Variants in SORCS2 observed in about 807,000 individuals in gnomAD.
The protein encoded by SORCS2 is VPS10 domain-containing receptor SorCS2.
Under a neutral mutation model 141.6 loss-of-function variants are expected in SORCS2, and 100 were observed. The observed-to-expected ratio is 0.71, with a 90% CI of 0.60 to 0.83. The LOEUF (loss-of-function observed/expected upper bound fraction) is 0.83, where lower values mean the gene tolerates loss of function less well. SORCS2 is among the 40% of genes least tolerant of loss of function. SORCS2 has a pLI of 0.00. For missense variants in SORCS2, 1,646 were observed against 1,560.2 expected (o/e 1.05, Z -0.93); for synonymous variants, 789 against 676.9 (o/e 1.17, Z -2.57).
intron 1 of SORCS2, among the ~76,000 whole-genome samples, chr4:7,338,390 T>C (rs1347829625): frequency 6.7e-6 from 1 of 150,154 alleles, no homozygotes; most frequent in Admixed American, 6.6e-5. Context: ...GTCGGTTGGA[T>C]GGATGGATGG....
intron 2 of SORCS2, among the ~76,000 whole-genome samples, chr4:7,396,749 ATTGT>A (rs916375871): frequency 6.6e-6 from 1 of 152,112 alleles, no homozygotes; most frequent in Non-Finnish European, 1.5e-5. Flanking sequence ...GATTATCCTC[ATTGT>A]TTGGGCGTTT....
chr4:7,640,578 C>G (rs1290552182), intron 4 of SORCS2, among the ~76,000 whole-genome samples: 1 of 150,418 alleles, frequency 6.6e-6, no homozygotes, highest in South Asian at 2.1e-4. Flanking sequence ...TGTAAGGACT[C>G]GGGCCTTCGT....
At position 7,728,458 on chromosome 4, in the gene SORCS2, C is replaced by G; in HGVS notation, c.2978C>G (p.Ser993Cys). The change falls in exon 22 of 27, where the codon TCC (serine) becomes TGC (cysteine). Residue 993 changes from serine to cysteine, a missense_variant. Ser to Cys is a moderately radical substitution (Grantham distance 112, BLOSUM62 -1). Coordinates refer to ENST00000507866, the MANE Select transcript of SORCS2 (RefSeq NM_020777.3). Reference protein sequence around the residue: ...DVGLVVTRLLSKETSVPQELL... With the variant: ...DVGLVVTRLLCKETSVPQELL... ...GGCCTGGTGGTCACCCGGCTGCTCT[C>G]CAAGGTGTCCACCCAGAGCCTAGAG... 6.2e-7 allele frequency: 1 copy of G among 1,609,854 alleles called. No individual in the cohort carries two copies. The highest frequency in any genetic ancestry group is 8.5e-7 in the Non-Finnish European group (1 of 1,178,020).
chr4:7,396,638 G>A (rs13128656), intron 2 of SORCS2, among the ~76,000 whole-genome samples: 22,434 of 152,168 alleles, frequency 0.15, 1,812 homozygotes, highest in Non-Finnish European at 0.18. Flanking sequence ...TTTCCTCCCC[G>A]GAGGAGGAGG....
chr4:7,237,380 C>A lies in SORCS2; in HGVS notation c.480+44254C>A, dbSNP rs117405216. 8.5e-4 allele frequency among the ~76,000 whole-genome samples: 130 copies of A among 152,254 alleles called. No individual in the cohort carries two copies. In the East Asian group the frequency reaches 0.021, roughly 24 times the overall value. ...GCTGGGCTGCTGTTTTTAGAAGAGACCCCTCTTGGCTGCTGGTCTCAGGTG... is the reference window on the plus strand; with the variant it reads ...GCTGGGCTGCTGTTTTTAGAAGAGAACCCTCTTGGCTGCTGGTCTCAGGTG... On this transcript the variant is annotated intron_variant, in intron 1 of 26. Coordinates refer to ENST00000507866, the MANE Select transcript of SORCS2 (RefSeq NM_020777.3).
chr4:7,210,325 A>G (rs2108882218), intron 1 of SORCS2, among the ~76,000 whole-genome samples: 1 of 152,330 alleles, frequency 6.6e-6, no homozygotes, highest in Middle Eastern at 3.4e-3. Flanking sequence ...TCTGTGGCTC[A>G]GGCTGGAGTG....
intron 3 of SORCS2, among the ~76,000 whole-genome samples, chr4:7,567,297 C>G (rs537177833): frequency 6.6e-6 from 1 of 152,082 alleles, no homozygotes; most frequent in Non-Finnish European, 1.5e-5. Flanking sequence ...TTACCTAATG[C>G]CTTCATCGAT....
chr4:7,210,731 T>C (rs895235194), intron 1 of SORCS2, among the ~76,000 whole-genome samples: 9 of 152,198 alleles, frequency 5.9e-5, no homozygotes, highest in African/African-American at 1.2e-4. Context: ...GCCCACCTGA[T>C]GAGACTGATG....
chr4:7,346,805 C>G (rs1391169243), intron 1 of SORCS2, among the ~76,000 whole-genome samples: 2 of 152,138 alleles, frequency 1.3e-5, no homozygotes, highest in Non-Finnish European at 2.9e-5. Context: ...ACCAATCTTC[C>G]CAGATGTCAG....
chr4:7,612,143 C>CA (rs1718447963), intron 3 of SORCS2, among the ~76,000 whole-genome samples: 1 of 152,104 alleles, frequency 6.6e-6, no homozygotes, highest in African/African-American at 2.4e-5. Context: ...TTCCGGAGCT[C>CA]AGAAGGCTGG....
intron 25 of SORCS2, among the ~76,000 whole-genome samples, chr4:7,736,485 C>T (rs1712184510): frequency 6.6e-6 from 1 of 152,156 alleles, no homozygotes; most frequent in African/African-American, 2.4e-5. Flanking sequence ...GGACCCTGAC[C>T]CTGGGTTTTG....
intron 1 of SORCS2, among the ~76,000 whole-genome samples, chr4:7,294,753 T>C (rs1577364685): frequency 3.4e-5 from 1 of 29,428 alleles, no homozygotes; most frequent in Non-Finnish European, 6.1e-5. Flanking sequence ...CTCTCTCTTC[T>C]CCCCAGCTCC....
At chr4:7,393,860 G>A (rs570256540) in intron 1 of SORCS2, among the ~76,000 whole-genome samples, 3 of 152,164 alleles carry the variant, frequency 2.0e-5, no homozygotes, top group Admixed American at 6.5e-5. Context: ...TGTTGAGGTC[G>A]ACGGTCTGCT....
intron 1 of SORCS2, among the ~76,000 whole-genome samples, chr4:7,386,113 A>G (rs1723281242): frequency 6.6e-6 from 1 of 152,056 alleles, no homozygotes; most frequent in Non-Finnish European, 1.5e-5. Flanking sequence ...ACACATGGAC[A>G]TACACATATG....
At chr4:7,619,298 T>C (rs961755639) in intron 3 of SORCS2, among the ~76,000 whole-genome samples, 1 of 152,198 alleles carries the variant, frequency 6.6e-6, no homozygotes, top group Non-Finnish European at 1.5e-5. Flanking sequence ...TCCAACATTG[T>C]TTCCCTCCAT....
intron 2 of SORCS2, among the ~76,000 whole-genome samples, chr4:7,417,293 C>G: frequency 6.6e-6 from 1 of 152,086 alleles, no homozygotes; most frequent in Non-Finnish European, 1.5e-5. Context: ...GAGATGGCAG[C>G]GCCAGGAAGC....
intron 3 of SORCS2, among the ~76,000 whole-genome samples, chr4:7,597,305 G>T (rs573853863): frequency 7.4e-4 from 111 of 150,948 alleles, no homozygotes; most frequent in African/African-American, 2.5e-3. Context: ...CGGAGATGGG[G>T]CTCTTGCAAT....
intron 10 of SORCS2, among the ~76,000 whole-genome samples, chr4:7,686,420 C>T (rs1257137639): frequency 6.6e-6 from 1 of 152,208 alleles, no homozygotes; most frequent in African/African-American, 2.4e-5. Context: ...TTTAGGGCAC[C>T]CTCTGGCCCC....
rs1023468247 is a variant in SORCS2, at chr4:7,648,672, C to G, written c.814-5462C>G. On this transcript the variant is annotated intron_variant, in intron 4 of 26. Coordinates refer to ENST00000507866, the MANE Select transcript of SORCS2 (RefSeq NM_020777.3). This position sits in a 1 kb window ranked among gnomAD's most constrained non-coding sequence, Gnocchi z 4.2. ...GGGGAGTGAGGGGGCTGCCAAGCGGCTTGGCCTCTGCATGGTTGGAGAGCT... is the reference window on the plus strand; with the variant it reads ...GGGGAGTGAGGGGGCTGCCAAGCGGGTTGGCCTCTGCATGGTTGGAGAGCT... 1.3e-5 allele frequency among the ~76,000 whole-genome samples: 2 copies of G among 152,132 alleles called. No individual in the cohort carries two copies. Among genetic ancestry groups the G allele is most frequent in the African/African-American group, 4.8e-5 (2 of 41,424 alleles).
Sources: allele counts gnomAD v4.1 joint callset (sites outside exome capture counted in the v4.1 genomes callset), GRCh38; gene constraint gnomAD v4.1.1; non-coding constraint Gnocchi (gnomAD v3.1); transcripts MANE v1.5; gene names NCBI Gene and HGNC (gene_info 2026-07-23, HGNC 2026-07-21).